The following CNGB1 variants were observed in gnomAD, a reference collection of about 807,000 sequenced individuals.
The protein encoded by CNGB1 is cyclic nucleotide gated channel subunit beta 1, also known as cyclic nucleotide-gated channel beta-1.
CNGB1 carries 126 observed loss-of-function variants against 151.7 expected under a neutral mutation model. The ratio of observed to expected loss-of-function variants is 0.83; its 90% CI spans 0.72 to 0.96. The LOEUF is 0.96. CNGB1 is among the 40% of genes least tolerant of loss of function. CNGB1 has a pLI of 0.00. For missense variants in CNGB1, 1,698 were observed against 1,627.0 expected (o/e 1.04, Z -0.75); for synonymous variants, 623 against 635.1 (o/e 0.98, Z 0.29).
At chr16:57,911,600 T>C (rs1396993406) in intron 25 of CNGB1, among the ~76,000 whole-genome samples, 153 bp downstream of exon 25, 1 of 152,236 alleles carries the variant, frequency 6.6e-6, no homozygotes, top group Non-Finnish European at 1.5e-5. Flanking sequence ...AAGATGTGGC[T>C]CTTGAGCCTT....
chr16:57,902,841 G>C (rs1233965457), intron 27 of CNGB1, among the ~76,000 whole-genome samples: 1 of 151,774 alleles, frequency 6.6e-6, no homozygotes, highest in African/African-American at 2.4e-5. Flanking sequence ...TTGAACTCCT[G>C]GGCTCAAGTG....
At chr16:57,964,673 T>G in intron 2 of CNGB1, 129 bp from the exon 3 acceptor site, 3 of 914,344 alleles carry the variant, frequency 3.3e-6, no homozygotes, top group Non-Finnish European at 5.2e-6. Context: ...CTCAGGATCA[T>G]CTCTGTAAAT....
intron 12 of CNGB1, chr16:57,955,018 G>A (rs1356639608): frequency 1.2e-5 from 14 of 1,176,394 alleles, no homozygotes; most frequent in African/African-American, 1.6e-5. Context: ...CAAAGTGCTG[G>A]GATTACAGGC....
At position 57,949,415 on chromosome 16, in the gene CNGB1, C is replaced by T. The variant is rs1961893373; in HGVS notation, c.1059G>A (p.Glu353=). Reference sequence around the variant, plus strand: ...CCTCTTCCTCCTCCTCATCTTCTTTCTCCTCTTCAATCCGGGACAGCTCTC... The same window carrying T: ...CCTCTTCCTCCTCCTCATCTTCTTTTTCCTCTTCAATCCGGGACAGCTCTC... ...MPRELSRIEE[E]KEDEEEEEEE... The change falls in exon 14 of 33, where the codon GAG becomes GAA. Residue 353 remains glutamate, a synonymous_variant. Coordinates refer to ENST00000251102, the MANE Select transcript of CNGB1 (RefSeq NM_001297.5). 6.2e-7 allele frequency: 1 copy of T among 1,613,768 alleles called. No individual in the cohort carries two copies. Among genetic ancestry groups the T allele is most frequent in the Non-Finnish European group, 8.5e-7 (1 of 1,180,032 alleles).
chr16:57,949,560 C>G (rs1316913542), intron 13 of CNGB1, 121 bp from the exon 14 acceptor site: 1 of 1,540,800 alleles, frequency 6.5e-7, no homozygotes. Flanking sequence ...GACTTTCCAA[C>G]CAAGGCTCAA....
intron 4 of CNGB1, chr16:57,963,887 A>G: frequency 1.7e-6 from 1 of 575,530 alleles, no homozygotes; most frequent in Non-Finnish European, 3.1e-6. Flanking sequence ...GTGAATGGAG[A>G]TGAATGCATG....
rs372968868 is a variant in CNGB1, at chr16:57,956,697, C to T, written c.874+644G>A. On this transcript the variant is annotated intron_variant, in intron 12 of 32. Coordinates refer to ENST00000251102, the MANE Select transcript of CNGB1 (RefSeq NM_001297.5). ...ACTAGAACCCATCACAGGCCTGGCA[C>T]ATAGTAGGCTGTCCTTAACTATGTA... Among the ~76,000 whole-genome samples, 6 of 152,338 alleles carry T rather than the reference C, an allele frequency of 3.9e-5. No individual in the cohort carries two copies. The East Asian group carries it at 1.2e-3, about 29-fold the overall frequency.
intron 26 of CNGB1, 131 bp from the exon 27 acceptor site, chr16:57,904,112 GT>G: frequency 1.4e-6 from 1 of 736,472 alleles, no homozygotes; most frequent in Non-Finnish European, 2.4e-6. Flanking sequence ...TGGGAGGGGG[GT>G]AGGCAGATGT....
chr16:57,967,603 G>C (rs897902461), intron 1 of CNGB1, among the ~76,000 whole-genome samples: 6 of 152,040 alleles, frequency 3.9e-5, no homozygotes, highest in African/African-American at 1.5e-4. Flanking sequence ...GGCTGAGGTG[G>C]GAGGATCGTT....
chr16:57,924,651 G>GGC (rs1444034835), intron 17 of CNGB1, among the ~76,000 whole-genome samples: 5 of 152,112 alleles, frequency 3.3e-5, no homozygotes, highest in Non-Finnish European at 7.4e-5. Flanking sequence ...ACGTGGTTTT[G>GGC]GCTCTGTGAC....
In CNGB1 at chr16:57,915,320, G is replaced by A; in HGVS notation, c.2233C>T (p.Leu745Phe). 6.2e-7 allele frequency: 1 copy of A among 1,613,832 alleles called. No homozygotes were observed. Among genetic ancestry groups the A allele is most frequent in the Non-Finnish European group, 8.5e-7 (1 of 1,179,804 alleles). The change falls in exon 23 of 33, where the codon CTC (leucine) becomes TTC (phenylalanine). Residue 745 changes from leucine (L) to phenylalanine (F), a missense_variant. By Grantham distance (22) the Leu-to-Phe change is conservative. Transcript: ENST00000251102. ...SRRFKMDLLS[L>F]LPLDFLYLKV... ...AAATAGAGAAAATCCAAGGGCAGGAGGCTGAGCAGGTCCATCTGAAATCCC... is the reference window on the plus strand; with the variant it reads ...AAATAGAGAAAATCCAAGGGCAGGAAGCTGAGCAGGTCCATCTGAAATCCC...
chr16:57,936,557 C>A (rs1161956019), intron 16 of CNGB1, among the ~76,000 whole-genome samples: 1 of 152,134 alleles, frequency 6.6e-6, no homozygotes, highest in Non-Finnish European at 1.5e-5. Flanking sequence ...CTTTGGGAGG[C>A]CGAGGTGGGC....
At chr16:57,932,456 G>A (rs572985394) in intron 16 of CNGB1, among the ~76,000 whole-genome samples, 1 of 147,446 alleles carries the variant, frequency 6.8e-6, no homozygotes, top group South Asian at 2.1e-4. Context: ...AGGCTGGAGT[G>A]CAGTGGTGCA....
chr16:57,949,858 C>G (rs1009099401), intron 13 of CNGB1, among the ~76,000 whole-genome samples: 1 of 152,226 alleles, frequency 6.6e-6, no homozygotes, highest in Admixed American at 6.5e-5. Context: ...AATGACCCAG[C>G]AATTCCCCTC....
Position 57,905,491 on chromosome 16 carries a change from G to A in CNGB1, c.2493-616C>T, listed in dbSNP as rs553832041. Among the ~76,000 whole-genome samples, 14 of 152,366 alleles carry A rather than the reference G, an allele frequency of 9.2e-5. No homozygotes were observed. In the East Asian group the frequency reaches 2.5e-3, roughly 27 times the overall value. On this transcript the variant is annotated intron_variant, in intron 25 of 32. Coordinates refer to ENST00000251102, the MANE Select transcript of CNGB1 (RefSeq NM_001297.5). ...CAGTAACCCTCTGACGTCGGCTTGT[G>A]AACCTTCTGGAAGGGAGGTATGGGG... is the stretch of plus-strand genomic sequence containing the variant.
chr16:57,962,591 A>T lies in CNGB1; in HGVS notation c.432T>A (p.Asn144Lys). ...TAGTGTCTTGGGCCTCAAGGGCCTC[A>T]TTGGGTTCATCTGTGCACCCTGCAG... is the stretch of plus-strand genomic sequence containing the variant. ...TGDTGCTDEP[N>K]EALEAQDTRP... is the part of the protein sequence containing the mutation. The change falls in exon 7 of 33, where the codon AAT becomes AAA. Residue 144 changes from asparagine to lysine, a missense_variant. Coordinates refer to ENST00000251102, the MANE Select transcript of CNGB1 (RefSeq NM_001297.5). The T allele has an allele frequency of 6.2e-7, 1 of 1,614,068 alleles. No individual in the cohort carries two copies. The highest frequency in any genetic ancestry group is 8.5e-7 in the Non-Finnish European group (1 of 1,179,978).
chr16:57,938,224 C>T (rs747812641), intron 16 of CNGB1, among the ~76,000 whole-genome samples: 2 of 152,232 alleles, frequency 1.3e-5, no homozygotes, highest in African/African-American at 2.4e-5. Context: ...ACCAAGCCTG[C>T]ACCTGTTTGC....
intron 23 of CNGB1, among the ~76,000 whole-genome samples, chr16:57,914,639 G>T (rs4555144): frequency 0.11 from 16,156 of 152,184 alleles, 2,176 homozygotes; most frequent in African/African-American, 0.32. Context: ...CTGATCACGT[G>T]ACAGGACCAT....
At chr16:57,884,552 C>T in intron 32 of CNGB1, 95 bp from the exon 33 acceptor site, 1 of 1,378,204 alleles carries the variant, frequency 7.3e-7, no homozygotes, top group East Asian at 2.4e-5. Context: ...TTTTGGACCC[C>T]CAAAGAGGGC....
Sources: allele counts gnomAD v4.1 joint callset (sites outside exome capture counted in the v4.1 genomes callset), GRCh38; gene constraint gnomAD v4.1.1; transcripts MANE v1.5; gene names NCBI Gene and HGNC (gene_info 2026-07-23, HGNC 2026-07-21).